Variants in RAB11FIP4 observed in about 807,000 individuals in gnomAD.
RAB11FIP4 encodes the protein rab11 family-interacting protein 4.
In RAB11FIP4, 23 loss-of-function variants were observed where a neutral mutation model predicts 74.3. The ratio of observed to expected loss-of-function variants is 0.31; its 90% confidence interval spans 0.22 to 0.44. The LOEUF is 0.44. RAB11FIP4 is among the 20% of genes least tolerant of loss of function. RAB11FIP4 has a pLI of 1.00. For missense variants in RAB11FIP4, 630 were observed against 863.9 expected, an observed-to-expected ratio of 0.73 and a Z score of 3.39; for synonymous variants, 360 against 359.9, an observed-to-expected ratio of 1.00 and a Z score of 0.00.
At chr17:31,490,872 G>C (rs1265862517) in intron 3 of RAB11FIP4, among the ~76,000 whole-genome samples, 1 of 152,238 alleles carries the variant, frequency 6.6e-6, no homozygotes, top group Non-Finnish European at 1.5e-5. Flanking sequence ...ATCTTTATCT[G>C]TTCGTGCCTG....
intron 10 of RAB11FIP4, 133 bp downstream of exon 10, chr17:31,525,363 G>C (rs556935809): frequency 7.1e-6 from 6 of 839,796 alleles, no homozygotes; most frequent in Non-Finnish European, 7.4e-6. Context: ...CTTTCCAGTA[G>C]TAACAGTTCC....
rs2072986616 is a variant in RAB11FIP4 at position 31,537,550 on chromosome 17, C to T, written c.*5818C>T. On this transcript the variant is annotated 3_prime_UTR_variant, in exon 15 of 15. Coordinates refer to ENST00000621161, the MANE Select transcript of RAB11FIP4 (RefSeq NM_032932.6). ...CACTCTTTAACCTGGGGCATTGGCC[C>T]CAGCAGGGATATCATGGGACCGCAG... is the stretch of plus-strand genomic sequence containing the variant. 4.8e-6 allele frequency: 1 copy of T among 210,334 alleles called. No individual in the cohort carries two copies. The highest frequency in any genetic ancestry group is 2.3e-5 in the African/African-American group (1 of 43,864). 13.0% of individuals were successfully genotyped at this position (210,334 alleles called of 1,614,324 possible). A position where few individuals can be genotyped will look rare whatever the true frequency, so the allele number is the denominator to read the frequency against.
rs74256972 is a variant in RAB11FIP4, at chr17:31,515,010, G to T, written c.337-2641G>T. On this transcript the variant is annotated intron_variant, in intron 3 of 14. Coordinates refer to ENST00000621161, the MANE Select transcript of RAB11FIP4 (RefSeq NM_032932.6). ...CAGGCGGGGTGGGGGGCCCTGCCCT[G>T]CCCTGCCCTGCCCTCTGGCTGGAGG... is the stretch of plus-strand genomic sequence containing the variant. 5.3e-5 allele frequency among the ~76,000 whole-genome samples: 8 copies of T among 152,228 alleles called. No homozygotes were observed. The East Asian group carries it at 1.5e-3, about 29-fold the overall frequency.
chr17:31,486,723 G>T (rs55665247), intron 3 of RAB11FIP4, among the ~76,000 whole-genome samples: 30,846 of 152,140 alleles, frequency 0.2, 3,882 homozygotes, highest in East Asian at 0.35. Flanking sequence ...CTGGGGCAGT[G>T]GAGTTTCTCT....
intron 1 of RAB11FIP4, among the ~76,000 whole-genome samples, chr17:31,392,915 G>C (rs1049738653): frequency 3.9e-5 from 6 of 152,162 alleles, no homozygotes; most frequent in African/African-American, 1.4e-4. Flanking sequence ...GCCATCTAAG[G>C]CCTCAGGCCC....
chr17:31,493,261 G>A (rs1166697349), intron 3 of RAB11FIP4, among the ~76,000 whole-genome samples: 1 of 152,200 alleles, frequency 6.6e-6, no homozygotes, highest in Non-Finnish European at 1.5e-5. Context: ...ACAAAGCTCT[G>A]TAGAAGTTAT....
chr17:31,487,817 C>G (rs1025209853), intron 3 of RAB11FIP4, among the ~76,000 whole-genome samples: 1 of 152,000 alleles, frequency 6.6e-6, no homozygotes, highest in Admixed American at 6.5e-5. Flanking sequence ...GCTGGGCGCG[C>G]CCAGGCGAGC....
rs545076851 is a variant in RAB11FIP4, at chr17:31,392,154, C to T, written c.159+143C>T. ...CCCTCCCTCCGCCGGAGCCCAGGAC[C>T]TCGGCCCCCCCCGGGTATCCCTGGC... On this transcript the variant is annotated intron_variant, in intron 1 of 14. Coordinates refer to ENST00000621161, the MANE Select transcript of RAB11FIP4 (RefSeq NM_032932.6). 11 of 631,784 alleles carry T rather than the reference C, an allele frequency of 1.7e-5. No individual in the cohort carries two copies. In the African/African-American group the frequency reaches 2.1e-4, roughly 12 times the overall value. 39.1% of individuals were successfully genotyped at this position (631,784 alleles called of 1,614,324 possible).
intron 1 of RAB11FIP4, among the ~76,000 whole-genome samples, chr17:31,420,854 G>T (rs568606626): frequency 6.6e-6 from 1 of 151,970 alleles, no homozygotes; most frequent in Non-Finnish European, 1.5e-5. Context: ...GAGGCCGAAG[G>T]GGGTGGATCA....
intron 3 of RAB11FIP4, among the ~76,000 whole-genome samples, chr17:31,506,136 A>C (rs570719527): frequency 6.6e-6 from 1 of 152,334 alleles, no homozygotes; most frequent in African/African-American, 2.4e-5. Flanking sequence ...TGTTTCTTGT[A>C]AGTGGTATGT....
intron 1 of RAB11FIP4, 168 bp from the exon 2 acceptor site, chr17:31,431,645 T>C: frequency 1.7e-6 from 1 of 587,626 alleles, no homozygotes; most frequent in Non-Finnish European, 3.0e-6. Context: ...TCTGTCACCA[T>C]GGGGAGAATA....
intron 3 of RAB11FIP4, among the ~76,000 whole-genome samples, chr17:31,502,544 A>G (rs1049524217): frequency 6.6e-6 from 1 of 152,300 alleles, no homozygotes; most frequent in Non-Finnish European, 1.5e-5. Flanking sequence ...GTGCCACTGT[A>G]CTCCAGCCTG....
At chr17:31,434,240 G>A (rs2071338171) in intron 3 of RAB11FIP4, 118 bp downstream of exon 3, 1 of 784,680 alleles carries the variant, frequency 1.3e-6, no homozygotes, top group African/African-American at 1.7e-5. Context: ...GACCCTTCTT[G>A]AGCATCAGAG....
intron 3 of RAB11FIP4, among the ~76,000 whole-genome samples, chr17:31,463,557 C>A (rs1367155149): frequency 6.6e-6 from 1 of 152,056 alleles, no homozygotes; most frequent in African/African-American, 2.4e-5. Context: ...CCAGCATGTG[C>A]CTTTCTCTTC....
intron 3 of RAB11FIP4, among the ~76,000 whole-genome samples, chr17:31,434,970 G>C (rs912692129): frequency 2.6e-5 from 4 of 152,142 alleles, no homozygotes; most frequent in African/African-American, 9.7e-5. Context: ...AGGACAGCTT[G>C]AGCCCAGGAG....
chr17:31,434,266 T>C, intron 3 of RAB11FIP4, 144 bp downstream of exon 3: 1 of 693,084 alleles, frequency 1.4e-6, no homozygotes. Context: ...AAATAGTTTT[T>C]GGAACAGGAG....
chr17:31,522,442 T>A (rs1443310530), intron 7 of RAB11FIP4, 47 bp downstream of exon 7: 6 of 1,590,124 alleles, frequency 3.8e-6, no homozygotes, highest in Non-Finnish European at 4.3e-6. Flanking sequence ...GTCCCCATGC[T>A]GCCCACTGGC....
At chr17:31,469,692 G>A (rs2071719912) in intron 3 of RAB11FIP4, among the ~76,000 whole-genome samples, 1 of 151,516 alleles carries the variant, frequency 6.6e-6, no homozygotes, top group Non-Finnish European at 1.5e-5. Flanking sequence ...TTGATTTGGG[G>A]CATAAGGAAA....
chr17:31,522,226 C>T lies in RAB11FIP4; in HGVS notation c.894-134C>T, dbSNP rs1430311439. On this transcript the variant is annotated intron_variant, in intron 6 of 14. Coordinates refer to ENST00000621161, the MANE Select transcript of RAB11FIP4 (RefSeq NM_032932.6). Reference sequence around the variant, plus strand: ...GAAATCAGGCTGTTTCTTCTCAGGACCAAGCTGACTAGTGAATTCCTTTCA... The same window carrying T: ...GAAATCAGGCTGTTTCTTCTCAGGATCAAGCTGACTAGTGAATTCCTTTCA... 10 of 1,276,180 alleles carry T rather than the reference C, an allele frequency of 7.8e-6. No individual in the cohort carries two copies. The Admixed American group carries it at 1.8e-4, about 23-fold the overall frequency. 79.1% of individuals were successfully genotyped at this position (1,276,180 alleles called of 1,614,324 possible).
Sources: gnomAD v4.1 joint callset for allele counts (sites outside exome capture counted in the v4.1 genomes callset) on GRCh38, gnomAD v4.1.1 for gene constraint, MANE v1.5 for transcripts, NCBI Gene and HGNC (gene_info 2026-07-23, HGNC 2026-07-21) for gene names.